The following PDE4D variants were observed in gnomAD, a reference collection of about 807,000 sequenced individuals.
PDE4D encodes the protein 3',5'-cyclic-AMP phosphodiesterase 4D.
PDE4D carries 24 observed loss-of-function variants against 87.4 expected under a neutral mutation model. The observed-to-expected ratio is 0.27, with a 90% CI of 0.20 to 0.39. PDE4D has a LOEUF of 0.39. PDE4D is among the 10% of genes least tolerant of loss of function. PDE4D has a pLI of 1.00. For synonymous variants in PDE4D, 384 were observed against 383.2 expected (o/e 1.00, Z -0.02); for missense variants, 714 against 1,041.0 (o/e 0.69, Z 4.32).
Position 59,336,355 on chromosome 5 carries a change from C to A in PDE4D, c.456-120387G>T, listed in dbSNP as rs558885412. Reference sequence around the variant, plus strand: ...CTTTCCTGTCCCCATCCATCAGTAACCTCAACAGAGCTATTTTTGGATTGT... The same window carrying A: ...CTTTCCTGTCCCCATCCATCAGTAAACTCAACAGAGCTATTTTTGGATTGT... On this transcript the variant is annotated intron_variant, in intron 1 of 14. Transcript: ENST00000340635. Among the ~76,000 whole-genome samples the A allele has an allele frequency of 1.1e-4, 17 of 152,304 alleles. 1 individual carries two copies. The South Asian group carries it at 2.9e-3, about 26-fold the overall frequency.
intron 1 of PDE4D, among the ~76,000 whole-genome samples, chr5:60,282,892 G>A (rs1025570291): frequency 2.2e-4 from 33 of 152,122 alleles, no homozygotes; most frequent in East Asian, 1.9e-4. Context: ...AACATAGTCC[G>A]AAATCTTTTT....
At chr5:60,119,427 T>C (rs1488910793) in intron 2 of PDE4D, among the ~76,000 whole-genome samples, 1 of 152,220 alleles carries the variant, frequency 6.6e-6, no homozygotes, top group Non-Finnish European at 1.5e-5. Flanking sequence ...CCAGTGAATG[T>C]GCTTGCTGAA....
chr5:59,597,976 A>C (rs1037040802), intron 1 of PDE4D, among the ~76,000 whole-genome samples: 11 of 152,142 alleles, frequency 7.2e-5, no homozygotes, highest in Non-Finnish European at 1.5e-4. Context: ...TCCATTCCTA[A>C]AAAAATCGCA....
chr5:60,511,897 G>T (rs1750592488), intron 1 of PDE4D, among the ~76,000 whole-genome samples: 1 of 152,064 alleles, frequency 6.6e-6, no homozygotes, highest in Admixed American at 6.5e-5. Flanking sequence ...AATGCTAAAA[G>T]AATTTAATAT....
Position 59,063,909 on chromosome 5 carries a change from A to T in PDE4D, c.809-24938T>A, listed in dbSNP as rs1434211387. ...TGGTATGAAATTGAAGTACTTATTT[A>T]AACTGATGAATATTGTACAGAAATA... On this transcript the variant is annotated intron_variant, in intron 5 of 14. Transcript: ENST00000340635. Among the ~76,000 whole-genome samples the T allele has an allele frequency of 5.3e-5, 8 of 152,174 alleles. No individual in the cohort carries two copies. In the East Asian group the frequency reaches 1.5e-3, roughly 29 times the overall value.
rs779235734 is a variant in PDE4D, at chr5:59,771,499, G to GAAGAAAGAAAGAAAGAAAGAAAGA, written c.455+121645_455+121668dup. Among the ~76,000 whole-genome samples, 67 of 19,714 alleles carry GAAGAAAGAAAGAAAGAAAGAAAGA rather than the reference G, an allele frequency of 3.4e-3. 3 individuals carry two copies. The highest frequency in any genetic ancestry group is 0.014 in the East Asian group (7 of 510). 12.9% of individuals were successfully genotyped at this position (19,714 alleles called of 152,430 possible). A position where few individuals can be genotyped will look rare whatever the true frequency, so the allele number is the denominator to read the frequency against. ...AAAGAAAGAAAGAGAGAGAGAGAGAGAAGAAAGAAAGAAAGAAAGAAAGAA... is the reference window on the plus strand; with the variant it reads ...AAAGAAAGAAAGAGAGAGAGAGAGAGAAGAAAGAAAGAAAGAAAGAAAGAAAGAAAGAAAGAAAGAAAGAAAGAA... On this transcript the variant is annotated intron_variant, in intron 1 of 14. Coordinates refer to ENST00000340635, the MANE Select transcript of PDE4D (RefSeq NM_001104631.2).
At chr5:58,994,455 C>T (rs776374739) in intron 6 of PDE4D, among the ~76,000 whole-genome samples, 39 of 149,646 alleles carry the variant, frequency 2.6e-4, no homozygotes, top group Admixed American at 4.0e-4. Flanking sequence ...TATACAGAAA[C>T]AATGTATTTT....
intron 3 of PDE4D, among the ~76,000 whole-genome samples, chr5:59,900,398 G>A (rs1752136699): frequency 6.6e-6 from 1 of 151,894 alleles, no homozygotes; most frequent in Non-Finnish European, 1.5e-5. Context: ...ATTAAAACAT[G>A]GGTAGGAGAC....
chr5:60,176,348 CT>C (rs951048202), intron 2 of PDE4D, among the ~76,000 whole-genome samples: 2 of 151,750 alleles, frequency 1.3e-5, no homozygotes, highest in South Asian at 2.1e-4. Context: ...TTTGCTGGTG[CT>C]TTTTTTTAAA....
chr5:59,503,887 C>T (rs1265157238), intron 1 of PDE4D, among the ~76,000 whole-genome samples: 1 of 147,698 alleles, frequency 6.8e-6, no homozygotes, highest in Non-Finnish European at 1.5e-5. Context: ...AAGCATATTT[C>T]TCTACTAGAA....
chr5:59,834,663 G>A (rs1741733377), intron 1 of PDE4D, among the ~76,000 whole-genome samples: 2 of 152,030 alleles, frequency 1.3e-5, no homozygotes, highest in Admixed American at 1.3e-4. Context: ...TTTAGGCGAA[G>A]AAAGTGTTGA....
intron 1 of PDE4D, among the ~76,000 whole-genome samples, chr5:59,494,986 A>G (rs1806902489): frequency 6.6e-6 from 1 of 152,122 alleles, no homozygotes; most frequent in Non-Finnish European, 1.5e-5. Flanking sequence ...ACCCCCTACA[A>G]TTCCCACCTA....
intron 1 of PDE4D, among the ~76,000 whole-genome samples, chr5:59,550,870 TA>T (rs1252805944): frequency 6.6e-6 from 1 of 152,058 alleles, no homozygotes; most frequent in Non-Finnish European, 1.5e-5. Context: ...CTAATTTTTG[TA>T]TTTTTTAGTA....
rs1368526482 is a variant in PDE4D, at chr5:59,190,239, A to G, written c.684+3261T>C. 3.3e-5 allele frequency among the ~76,000 whole-genome samples: 5 copies of G among 152,188 alleles called. 1 individual carries two copies. Among genetic ancestry groups the G allele is most frequent in the Admixed American group, 2.6e-4 (4 of 15,276 alleles). On this transcript the variant is annotated intron_variant, in intron 3 of 14. Coordinates refer to ENST00000340635, the MANE Select transcript of PDE4D (RefSeq NM_001104631.2). Reference sequence around the variant, plus strand: ...CCATTTTTAGGAGCCATGGGACAGAAAATATGCACAGAAAAATAAATCTGA... The same window carrying G: ...CCATTTTTAGGAGCCATGGGACAGAGAATATGCACAGAAAAATAAATCTGA...
chr5:59,199,990 GCATACATGCATGCAA>G (rs1232603299), intron 2 of PDE4D, among the ~76,000 whole-genome samples: 5 of 150,042 alleles, frequency 3.3e-5, no homozygotes, highest in East Asian at 2.0e-4. Context: ...ATATACACAT[GCATACATGCATGCAA>G]CATACATACA....
At chr5:60,418,887 C>G (rs1742852521) in intron 1 of PDE4D, among the ~76,000 whole-genome samples, 1 of 150,708 alleles carries the variant, frequency 6.6e-6, no homozygotes, top group South Asian at 2.1e-4. Flanking sequence ...TTTGTTATAA[C>G]AAGAAACTTG....
At chr5:59,026,860 C>T (rs1287849911) in intron 6 of PDE4D, among the ~76,000 whole-genome samples, 3 of 152,096 alleles carry the variant, frequency 2.0e-5, no homozygotes, top group Admixed American at 2.0e-4. Flanking sequence ...ACAGATAATT[C>T]CTATATACTC....
intron 1 of PDE4D, among the ~76,000 whole-genome samples, chr5:59,530,176 G>C (rs1813942098): frequency 6.6e-6 from 1 of 152,064 alleles, no homozygotes; most frequent in African/African-American, 2.4e-5. Context: ...TATTCACCTA[G>C]GCATTTCTTT....
chr5:60,433,404 TAAG>T (rs1311677877), intron 1 of PDE4D, among the ~76,000 whole-genome samples: 1 of 152,192 alleles, frequency 6.6e-6, no homozygotes, highest in African/African-American at 2.4e-5. Context: ...TGGCTATTAT[TAAG>T]AAGTCAAAAA....
Sources: allele counts gnomAD v4.1 joint callset (sites outside exome capture counted in the v4.1 genomes callset), GRCh38; gene constraint gnomAD v4.1.1; transcripts MANE v1.5; gene names NCBI Gene and HGNC (gene_info 2026-07-23, HGNC 2026-07-21).